USP3: variants seen among roughly 807,000 people sequenced by gnomAD.
USP3 encodes ubiquitin specific peptidase 3, also known as ubiquitin carboxyl-terminal hydrolase 3.
Under a neutral mutation model 72.3 loss-of-function variants are expected in USP3, and 20 were observed. The observed-to-expected ratio is 0.28, with a 90% CI of 0.19 to 0.40. The LOEUF is 0.40. Among genes scored for constraint, USP3 ranks in the 10% least tolerant of loss-of-function variants. USP3 has a pLI of 1.00. For missense variants in USP3, 479 were observed against 633.9 expected (o/e 0.76, Z 2.62); for synonymous variants, 222 against 225.3 (o/e 0.99, Z 0.13).
At chr15:63,542,295 T>TTAAATA in intron 3 of USP3, 9 of 675,854 alleles carry the variant, frequency 1.3e-5, no homozygotes, top group African/African-American at 3.9e-5. Context: ...TGTTTTTTAT[T>TTAAATA]TTAATTAATA....
In USP3 at chr15:63,558,257, T is replaced by G; in HGVS notation, c.533+69T>G. ...AGAGCACGGGCTCTGGCTCCCTATC[T>G]CGTCTGCCACTAACTCTAGTCATAT... On this transcript the variant is annotated intron_variant, in intron 6 of 14. Coordinates refer to ENST00000380324, the MANE Select transcript of USP3 (RefSeq NM_006537.4). The G allele has an allele frequency of 2.0e-6, 3 of 1,533,556 alleles. No individual in the cohort carries two copies. In the Admixed American group the frequency reaches 5.1e-5, roughly 26 times the overall value. The allele number at this position is 1,533,556 out of a possible 1,614,324, so 95.0% of individuals were successfully genotyped here.
chr15:63,576,431 T>C (rs2066864926), intron 11 of USP3, among the ~76,000 whole-genome samples: 2 of 152,234 alleles, frequency 1.3e-5, no homozygotes, highest in African/African-American at 4.8e-5. Context: ...GAGTTGGTTC[T>C]ATATGTAGTT....
At chr15:63,547,843 AGG>A (rs2066368553) in intron 3 of USP3, among the ~76,000 whole-genome samples, 1 of 92,972 alleles carries the variant, frequency 1.1e-5, no homozygotes, top group African/African-American at 4.4e-5. Context: ...AGAGGGAGGG[AGG>A]GAGAGAGAGA....
intron 1 of USP3, among the ~76,000 whole-genome samples, chr15:63,518,873 C>G (rs954245386): frequency 6.6e-6 from 1 of 152,000 alleles, no homozygotes; most frequent in Admixed American, 6.6e-5. Context: ...TCACAGCATT[C>G]TCCTGCCTCA....
chr15:63,518,500 A>G (rs1376760771), intron 1 of USP3, among the ~76,000 whole-genome samples: 3 of 152,240 alleles, frequency 2.0e-5, no homozygotes, highest in African/African-American at 7.2e-5. Context: ...GTTTTTAAAA[A>G]GTATGATCTT....
Position 63,544,591 on chromosome 15 carries a change from A to T in USP3, c.284+7435A>T. The T allele has an allele frequency of 1.6e-6, 1 of 631,130 alleles. No individual in the cohort carries two copies. The highest frequency in any genetic ancestry group is 2.8e-6 in the Non-Finnish European group (1 of 354,082). 39.1% of individuals were successfully genotyped at this position (631,130 alleles called of 1,614,324 possible). A position where few individuals can be genotyped will look rare whatever the true frequency, so the allele number is the denominator to read the frequency against. ...AAGTAAACCTACATTAAATTTTAGG[A>T]CAAGAAAACGATTGAGCCATGCTGT... On this transcript the variant is annotated intron_variant, in intron 3 of 14. Transcript: ENST00000380324. The surrounding 1 kb of genome is among the most constrained non-coding windows in gnomAD (Gnocchi z 4.2).
At chr15:63,537,218 C>G (rs1009097282) in intron 3 of USP3, 62 bp downstream of exon 3, 112 of 1,544,960 alleles carry the variant, frequency 7.2e-5, no homozygotes, top group Non-Finnish European at 9.4e-5. Flanking sequence ...CTCCTCCCCT[C>G]CCTTCCCTCA....
Position 63,588,370 on chromosome 15 carries a change from T to C in USP3, c.1162T>C (p.Cys388Arg), listed in dbSNP as rs368941461. 1 of 1,607,992 alleles carries C rather than the reference T, an allele frequency of 6.2e-7. No homozygotes were observed. The highest frequency in any genetic ancestry group is 8.5e-7 in the Non-Finnish European group (1 of 1,178,560). ...DETELYMCHK[C>R]KKKQKSTKKF... The stretch of plus-strand genomic sequence containing the variant: ...GACAGAGTTATATATGTGCCATAAA[T>C]GCAAAAAGAAACAAAAGTCCACAAA... The change falls in exon 12 of 15, where the codon TGC (cysteine) becomes CGC (arginine). Residue 388 changes from cysteine to arginine, a missense_variant. Physicochemically the swap from Cys to Arg is radical, Grantham distance 180. Transcript: ENST00000380324. This position sits in a 1 kb window ranked among gnomAD's most constrained non-coding sequence, Gnocchi z 4.6.
chr15:63,550,003 G>A (rs1057389649), intron 3 of USP3, among the ~76,000 whole-genome samples: 1 of 152,148 alleles, frequency 6.6e-6, no homozygotes, highest in African/African-American at 2.4e-5. Flanking sequence ...TTGTGCATAT[G>A]TACTGAACAA....
intron 6 of USP3, among the ~76,000 whole-genome samples, chr15:63,559,153 A>C (rs1175640701): frequency 1.3e-5 from 2 of 152,242 alleles, no homozygotes; most frequent in Non-Finnish European, 2.9e-5. Flanking sequence ...TTAGCGTTCC[A>C]ATAATGGAAC....
intron 9 of USP3, among the ~76,000 whole-genome samples, chr15:63,573,552 A>G (rs2066813599): frequency 6.6e-6 from 1 of 152,236 alleles, no homozygotes; most frequent in Admixed American, 6.5e-5. Context: ...AAATTCCTTT[A>G]CTTCCTTTTC....
At chr15:63,521,327 A>T (rs1483752111) in intron 1 of USP3, among the ~76,000 whole-genome samples, 1 of 152,182 alleles carries the variant, frequency 6.6e-6, no homozygotes, top group Non-Finnish European at 1.5e-5. Flanking sequence ...CAAATAATGC[A>T]GCAGTTAATA....
chr15:63,573,574 C>G (rs974470304), intron 9 of USP3, among the ~76,000 whole-genome samples: 10 of 152,216 alleles, frequency 6.6e-5, no homozygotes, highest in Admixed American at 1.3e-4. Flanking sequence ...CCAAATCTGA[C>G]AGATGGCTGT....
chr15:63,571,107 C>T (rs1284292955), intron 9 of USP3, among the ~76,000 whole-genome samples: 2 of 152,136 alleles, frequency 1.3e-5, no homozygotes, highest in African/African-American at 2.4e-5. Context: ...ATTGCTTTCC[C>T]ATGTACTAGC....
chr15:63,520,635 C>T (rs1211911032), intron 1 of USP3, among the ~76,000 whole-genome samples: 1 of 141,018 alleles, frequency 7.1e-6, no homozygotes, highest in Admixed American at 7.6e-5. Flanking sequence ...GCAATCTCGG[C>T]TCACTGCAGC....
chr15:63,577,054 G>A (rs554849762), intron 11 of USP3, among the ~76,000 whole-genome samples: 19 of 152,206 alleles, frequency 1.2e-4, no homozygotes, highest in African/African-American at 4.3e-4. Flanking sequence ...GAAAAGTGAT[G>A]GTGAGAAAGA....
rs1231138645 is a variant in USP3, at chr15:63,556,663, A to G, written c.369-4A>G. On this transcript the variant is annotated splice_region_variant and splice_polypyrimidine_tract_variant and intron_variant, in intron 4 of 14. Transcript: ENST00000380324. ...TTTTTCACTATCTGTTTGTGTTTTA[A>G]TAGCTCAGCTTTCACAGCTGACAGG... 1 of 1,600,034 alleles carries G rather than the reference A, an allele frequency of 6.2e-7. No homozygotes were observed. Among genetic ancestry groups the G allele is most frequent in the South Asian group, 1.1e-5 (1 of 89,270 alleles).
chr15:63,544,740 CATG>C lies in USP3; in HGVS notation c.284+7585_284+7587del, dbSNP rs1316053133. The C allele has an allele frequency of 2.8e-6, 2 of 701,876 alleles. No homozygotes were observed. The highest frequency in any genetic ancestry group is 5.4e-5 in the East Asian group (2 of 37,226). 43.5% of individuals were successfully genotyped at this position (701,876 alleles called of 1,614,324 possible). A position where few individuals can be genotyped will look rare whatever the true frequency, so the allele number is the denominator to read the frequency against. On this transcript the variant is annotated intron_variant, in intron 3 of 14. Transcript: ENST00000380324. The surrounding 1 kb of genome is among the most constrained non-coding windows in gnomAD (Gnocchi z 4.2). ...GAAAATACCGAGGGGTAAGAGAGTT[CATG>C]GTATATGGGATGAAAGCTTAACTCT...
rs1434044272 is a variant in USP3, at chr15:63,594,111, GT to G, written c.*3287del. The G allele has an allele frequency of 2.0e-5, 3 of 152,400 alleles. No individual in the cohort carries two copies. The highest frequency in any genetic ancestry group is 4.4e-5 in the Non-Finnish European group (3 of 68,194). 9.4% of individuals were successfully genotyped at this position (152,400 alleles called of 1,614,324 possible). A position where few individuals can be genotyped will look rare whatever the true frequency, so the allele number is the denominator to read the frequency against. On this transcript the variant is annotated 3_prime_UTR_variant, in exon 15 of 15. Transcript: ENST00000380324. The stretch of plus-strand genomic sequence containing the variant: ...CCTACTCAGCAGCTTGGTTTCTGGG[GT>G]TGGGGGCATATTTATTTCTTAAAGC...
Sources: gnomAD v4.1 joint callset for allele counts (sites outside exome capture counted in the v4.1 genomes callset) on GRCh38, gnomAD v4.1.1 for gene constraint, Gnocchi (gnomAD v3.1) non-coding constraint, MANE v1.5 for transcripts, NCBI Gene and HGNC (gene_info 2026-07-23, HGNC 2026-07-21) for gene names.